The following TMEM74 variants were observed in gnomAD, a reference collection of about 807,000 sequenced individuals.
TMEM74 encodes the protein transmembrane protein 74.
In TMEM74, 13 loss-of-function variants were observed where a neutral mutation model predicts 18.1. The ratio of observed to expected loss-of-function variants is 0.72; its 90% CI spans 0.47 to 1.14. The LOEUF is 1.14. Ranked by LOEUF, TMEM74 falls within the 50% of genes most tolerant of loss-of-function variation. The probability of loss-of-function intolerance (pLI) is 0.00; values close to 1 mark genes in which losing one functional copy is unlikely to be tolerated. For synonymous variants in TMEM74, 159 were observed against 146.6 expected (o/e 1.08, Z -0.61); for missense variants, 372 against 375.9 (o/e 0.99, Z 0.09).
At chr8:108,611,092 T>A (rs1407076050) in intron 2 of TMEM74, among the ~76,000 whole-genome samples, 9 of 152,176 alleles carry the variant, frequency 5.9e-5, no homozygotes, top group Non-Finnish European at 1.2e-4. Context: ...ACAACTATTA[T>A]CCAGAGCAGT....
intron 1 of TMEM74, among the ~76,000 whole-genome samples, chr8:108,657,885 TATATATATATATATATATTAATTAC>T (rs1812859982): frequency 8.8e-6 from 1 of 114,146 alleles, no homozygotes. Context: ...TATATATATA[TATATATATATATATATATTAATTAC>T]ATATATATAT....
chr8:108,647,018 A>C (rs184887165), intron 2 of TMEM74, among the ~76,000 whole-genome samples: 245 of 152,202 alleles, frequency 1.6e-3, no homozygotes, highest in Admixed American at 2.8e-3. Context: ...TCCCCAAACA[A>C]GCTCTGTTTC....
At chr8:108,641,693 G>T (rs999671209) in intron 2 of TMEM74, among the ~76,000 whole-genome samples, 2 of 152,052 alleles carry the variant, frequency 1.3e-5, no homozygotes, top group East Asian at 1.9e-4. Context: ...TTCTCAGGCC[G>T]CCTTGGTCTG....
chr8:108,690,687 T>C (rs1290197428), intron 1 of TMEM74, among the ~76,000 whole-genome samples: 1 of 152,022 alleles, frequency 6.6e-6, no homozygotes, highest in African/African-American at 2.4e-5. Flanking sequence ...CCGGGCATGG[T>C]GGCAGGCGCC....
At chr8:108,765,568 C>T (rs1225808563) in intron 1 of TMEM74, among the ~76,000 whole-genome samples, 3 of 151,782 alleles carry the variant, frequency 2.0e-5, no homozygotes, top group Non-Finnish European at 4.4e-5. Context: ...GTACCACACC[C>T]GGCTAATTTT....
At chr8:108,775,416 T>C (rs1438960876), downstream of TMEM74, among the ~76,000 whole-genome samples, 1 of 152,204 alleles carries the variant, frequency 6.6e-6, no homozygotes, top group Non-Finnish European at 1.5e-5. Flanking sequence ...CAAATGTTGT[T>C]TATTAAGGCT....
chr8:108,641,884 C>T (rs185397627), intron 2 of TMEM74, among the ~76,000 whole-genome samples: 1 of 151,838 alleles, frequency 6.6e-6, no homozygotes, highest in Non-Finnish European at 1.5e-5. Context: ...TCTTAGCTTC[C>T]TAGGTCTTTT....
chr8:108,733,640 T>C (rs1030466943), intron 1 of TMEM74, among the ~76,000 whole-genome samples: 2 of 152,240 alleles, frequency 1.3e-5, no homozygotes, highest in Non-Finnish European at 2.9e-5. Flanking sequence ...AAAGAAGACC[T>C]TAATTTAACA....
chr8:108,678,603 C>T (rs1165164212), intron 1 of TMEM74, among the ~76,000 whole-genome samples: 1 of 151,188 alleles, frequency 6.6e-6, no homozygotes, highest in East Asian at 1.9e-4. Flanking sequence ...GAAATCCTGG[C>T]CTCAAGTGAT....
intron 1 of TMEM74, among the ~76,000 whole-genome samples, chr8:108,766,677 A>G (rs1353646): frequency 0.041 from 6,204 of 152,150 alleles, 172 homozygotes; most frequent in East Asian, 0.13. Context: ...AGGAAAATGG[A>G]CTCACACAAT....
chr8:108,731,092 A>G (rs1813690785), intron 1 of TMEM74, among the ~76,000 whole-genome samples: 1 of 151,800 alleles, frequency 6.6e-6, no homozygotes, highest in South Asian at 2.1e-4. Flanking sequence ...TTTTTCATTC[A>G]TCTCTTAAAT....
At chr8:108,715,549 G>T (rs1813514962) in intron 1 of TMEM74, among the ~76,000 whole-genome samples, 1 of 152,062 alleles carries the variant, frequency 6.6e-6, no homozygotes, top group African/African-American at 2.4e-5. Context: ...TTTATAGTCA[G>T]ACAAGTTGTC....
intron 1 of TMEM74, among the ~76,000 whole-genome samples, chr8:108,741,567 AC>A (rs1164785553): frequency 6.6e-6 from 1 of 152,172 alleles, no homozygotes; most frequent in Non-Finnish European, 1.5e-5. Flanking sequence ...TTATATGTTT[AC>A]CCTATTTTTA....
chr8:108,658,532 A>G (rs1488719265), intron 1 of TMEM74, among the ~76,000 whole-genome samples: 1 of 152,192 alleles, frequency 6.6e-6, no homozygotes, highest in Non-Finnish European at 1.5e-5. Flanking sequence ...TGGTAAAAAC[A>G]GATGTCTTCC....
intron 1 of TMEM74, among the ~76,000 whole-genome samples, chr8:108,669,714 C>G (rs1812983720): frequency 6.6e-6 from 1 of 152,134 alleles, no homozygotes; most frequent in South Asian, 2.1e-4. Context: ...ACAATCATCT[C>G]CAGAATGAGA....
chr8:108,756,594 A>G lies in TMEM74; in HGVS notation n.119+30882T>C, dbSNP rs373343352. ...AAAGAAAGAAAGAAAGAAAGAAAGA[A>G]AGAGAAAGGAAGGAAGGAAGGAAGG... is the stretch of plus-strand genomic sequence containing the variant. On this transcript the variant is annotated intron_variant and non_coding_transcript_variant, in intron 1 of 3. Coordinates refer to the TMEM74 transcript ENST00000518838. Among the ~76,000 whole-genome samples the G allele has an allele frequency of 4.2e-3, 355 of 83,714 alleles. 1 individual carries two copies. The highest frequency in any genetic ancestry group is 6.5e-3 in the South Asian group (16 of 2,470). The allele number at this position is 83,714 out of a possible 152,430, so 54.9% of individuals were successfully genotyped here. A position where few individuals can be genotyped will look rare whatever the true frequency, so the allele number is the denominator to read the frequency against.
chr8:108,682,044 A>T (rs1171304427), intron 1 of TMEM74, among the ~76,000 whole-genome samples: 1 of 151,874 alleles, frequency 6.6e-6, no homozygotes, highest in Admixed American at 6.6e-5. Flanking sequence ...TTTTTTGTTT[A>T]TTCAATTGTG....
intron 2 of TMEM74, among the ~76,000 whole-genome samples, chr8:108,633,825 C>A (rs994659511): frequency 4.6e-5 from 7 of 151,924 alleles, no homozygotes; most frequent in African/African-American, 1.7e-4. Flanking sequence ...AGATTTGGGG[C>A]AACTAAACCT....
intron 1 of TMEM74, among the ~76,000 whole-genome samples, chr8:108,727,701 A>G (rs1468563978): frequency 6.6e-6 from 1 of 152,192 alleles, no homozygotes; most frequent in Non-Finnish European, 1.5e-5. Context: ...GAAGCAATCA[A>G]CATATCAATT....
Sources: gnomAD v4.1 joint callset for allele counts (sites outside exome capture counted in the v4.1 genomes callset) on GRCh38, gnomAD v4.1.1 for gene constraint, MANE v1.5 for transcripts, NCBI Gene and HGNC (gene_info 2026-07-23, HGNC 2026-07-21) for gene names.